TM6SF2: variants seen among roughly 807,000 people sequenced by gnomAD.
TM6SF2 encodes transmembrane 6 superfamily member 2.
A neutral mutation model predicts 41.0 loss-of-function variants in TM6SF2; 29 were observed. The observed-to-expected ratio is 0.71, with a 90% CI of 0.53 to 0.96. TM6SF2 has a LOEUF of 0.96. TM6SF2 is among the 50% of genes least tolerant of loss of function. TM6SF2 has a pLI of 0.00. For synonymous variants in TM6SF2, 200 were observed against 209.1 expected (o/e 0.96, Z 0.37); for missense variants, 475 against 499.0 (o/e 0.95, Z 0.46).
chr19:19,266,679 C>T, intron 8 of TM6SF2, 70 bp from the exon 9 acceptor site: 2 of 1,533,584 alleles, frequency 1.3e-6, no homozygotes, highest in Non-Finnish European at 1.8e-6. Flanking sequence ...TCTCCTGAGA[C>T]CCCTGAGGTG....
chr19:19,265,423 T>TATCCATCC (rs1363154867), intron 9 of TM6SF2, among the ~76,000 whole-genome samples: 7 of 147,026 alleles, frequency 4.8e-5, no homozygotes, highest in Middle Eastern at 3.7e-3. Context: ...TCCATCTATC[T>TATCCATCC]ATCTATCTAT....
At chr19:19,267,958 A>ATGGGGAGACCAACC in intron 7 of TM6SF2, 28 bp downstream of exon 7, 5 of 1,545,462 alleles carry the variant, frequency 3.2e-6, no homozygotes, top group Non-Finnish European at 3.6e-6. Flanking sequence ...GTGGCAGGGG[A>ATGGGGAGACCAACC]GGGGGAGACC....
At chr19:19,267,880 G>T in intron 7 of TM6SF2, 106 bp downstream of exon 7, 2 of 1,108,048 alleles carry the variant, frequency 1.8e-6, no homozygotes, top group South Asian at 1.4e-5. Context: ...TAGACTTGAT[G>T]AAGAACTTCC....
At chr19:19,272,919 G>C (rs551882049) in intron 1 of TM6SF2, among the ~76,000 whole-genome samples, 47 of 152,204 alleles carry the variant, frequency 3.1e-4, no homozygotes, top group Admixed American at 8.5e-4. Context: ...CCTCCAGCCC[G>C]GCGGGAAGGG....
In TM6SF2 at chr19:19,269,807, C is replaced by T. The variant is rs369399709; in HGVS notation, c.402-38G>A. The stretch of plus-strand genomic sequence containing the variant: ...TGGAGGGGTGACCAGCAGGTAGTCA[C>T]TCCGTAATCTCAGAGCCCCAGCCAG... On this transcript the variant is annotated intron_variant, in intron 4 of 9. Coordinates refer to ENST00000389363, the MANE Select transcript of TM6SF2 (RefSeq NM_001001524.3). 124 of 1,613,312 alleles carry T rather than the reference C, an allele frequency of 7.7e-5. No homozygotes were observed. The African/African-American group carries it at 1.6e-3, about 21-fold the overall frequency.
In TM6SF2 at chr19:19,264,813, G is replaced by T; in HGVS notation, c.985C>A (p.Pro329Thr). 1 of 1,607,918 alleles carries T rather than the reference G, an allele frequency of 6.2e-7. No individual in the cohort carries two copies. The highest frequency in any genetic ancestry group is 1.1e-5 in the South Asian group (1 of 89,840). Residue 329 changes from proline to threonine, a missense_variant, in exon 10 of 10, where the codon CCT (proline) becomes ACT (threonine). Pro to Thr is a conservative substitution (Grantham distance 38). This residue lies in a region of TM6SF2 where 190 missense variants were observed against 190.2 expected (regional missense o/e 1.00). Transcript: ENST00000389363. The stretch of plus-strand genomic sequence containing the variant: ...AAGAAGCAGCCCCAGGTGTCCTCAG[G>T]CACACGGTAGGTGAAGGGTGTGCGC... ...HLRTPFTYRV[P>T]EDTWGCFFVC...
chr19:19,267,872 G>A (rs2061008810), intron 7 of TM6SF2, 114 bp downstream of exon 7: 1 of 1,085,956 alleles, frequency 9.2e-7, no homozygotes, highest in African/African-American at 1.6e-5. Context: ...ACTCAGGTTA[G>A]ACTTGATGAA....
At chr19:19,269,795 A>G in intron 4 of TM6SF2, 26 bp from the exon 5 acceptor site, 1 of 1,613,856 alleles carries the variant, frequency 6.2e-7, no homozygotes, top group Non-Finnish European at 8.5e-7. Context: ...AGGGGTGACC[A>G]GCAGGTAGTC....
At chr19:19,265,155 G>A (rs140881283) in intron 9 of TM6SF2, among the ~76,000 whole-genome samples, 49 of 147,874 alleles carry the variant, frequency 3.3e-4, no homozygotes, top group Middle Eastern at 3.6e-3. Context: ...AGTGATTCTC[G>A]TGCTTCAGCC....
chr19:19,268,136 G>A, intron 6 of TM6SF2, 49 bp from the exon 7 acceptor site: 2 of 1,314,078 alleles, frequency 1.5e-6, no homozygotes, highest in South Asian at 1.2e-5. Flanking sequence ...TCAATGACAA[G>A]TATTCAGTAG....
At chr19:19,267,926 G>C in intron 7 of TM6SF2, 60 bp downstream of exon 7, 4 of 1,348,074 alleles carry the variant, frequency 3.0e-6, no homozygotes, top group Non-Finnish European at 4.2e-6. Flanking sequence ...TGTGGGAGAG[G>C]TGGGTCAGGG....
chr19:19,268,348 G>A (rs1270093410), intron 6 of TM6SF2, among the ~76,000 whole-genome samples: 1 of 151,768 alleles, frequency 6.6e-6, no homozygotes, highest in African/African-American at 2.4e-5. Flanking sequence ...TGGGACCACA[G>A]GCATGCACCA....
rs1555786937 is a variant in TM6SF2 at position 19,272,728 on chromosome 19, T to TGTGTGTGTGTGTGTGTGA, written c.95+392_95+393insTCACACACACACACACAC. On this transcript the variant is annotated intron_variant, in intron 1 of 9. Coordinates refer to ENST00000389363, the MANE Select transcript of TM6SF2 (RefSeq NM_001001524.3). ...GTGTGTGTGTGTGTGTGTGTGTGTGTGAGCAGGAGTCAGGTACCCGGGGCC... is the reference window on the plus strand; with the variant it reads ...GTGTGTGTGTGTGTGTGTGTGTGTGTGTGTGTGTGTGTGTGTGAGAGCAGGAGTCAGGTACCCGGGGCC... 5.3e-5 allele frequency among the ~76,000 whole-genome samples: 8 copies of TGTGTGTGTGTGTGTGTGA among 149,836 alleles called. No homozygotes were observed. The East Asian group carries it at 6.0e-4, about 11-fold the overall frequency.
At position 19,266,685 on chromosome 19, in the gene TM6SF2, A is replaced by G. The variant is rs1260081702; in HGVS notation, c.805-76T>C. The G allele has an allele frequency of 4.5e-5, 68 of 1,518,960 alleles. No individual in the cohort carries two copies. In the East Asian group the frequency reaches 1.6e-3, roughly 36 times the overall value. The allele number at this position is 1,518,960 out of a possible 1,614,324, so 94.1% of individuals were successfully genotyped here. On this transcript the variant is annotated intron_variant, in intron 8 of 9. Coordinates refer to ENST00000389363, the MANE Select transcript of TM6SF2 (RefSeq NM_001001524.3). Reference sequence around the variant, plus strand: ...CCAGGTGGGTCTCCTGAGACCCCTGAGGTGGAGGCCCTGAGGAAGGATCTG... The same window carrying G: ...CCAGGTGGGTCTCCTGAGACCCCTGGGGTGGAGGCCCTGAGGAAGGATCTG...
chr19:19,270,451 A>G lies in TM6SF2; in HGVS notation c.200-9T>C, dbSNP rs1303936495. On this transcript the variant is annotated splice_polypyrimidine_tract_variant and intron_variant, in intron 2 of 9. Transcript: ENST00000389363. ...GGCGAAGACAGCGAAGACTGCAGTGAGTGGGCGGGCCGGGTCAGGTGTGGG... is the reference window on the plus strand; with the variant it reads ...GGCGAAGACAGCGAAGACTGCAGTGGGTGGGCGGGCCGGGTCAGGTGTGGG... 2 of 1,548,948 alleles carry G rather than the reference A, an allele frequency of 1.3e-6. No individual in the cohort carries two copies. The highest frequency in any genetic ancestry group is 8.7e-7 in the Non-Finnish European group (1 of 1,145,502).
intron 7 of TM6SF2, 67 bp downstream of exon 7, chr19:19,267,919 G>T: frequency 7.8e-7 from 1 of 1,283,880 alleles, no homozygotes; most frequent in Non-Finnish European, 1.1e-6. Context: ...AGGGCAGTGT[G>T]GGAGAGGTGG....
At position 19,270,326 on chromosome 19, in the gene TM6SF2, C is replaced by T. The variant is rs770392287; in HGVS notation, c.297+19G>A. ...GACGGGCAGTGCGGTAGGGGGCTCC[C>T]TGGTCGTCCCCCAAGTACCTCCTTG... is the stretch of plus-strand genomic sequence containing the variant. On this transcript the variant is annotated intron_variant, in intron 3 of 9. Transcript: ENST00000389363. The T allele has an allele frequency of 1.2e-6, 2 of 1,614,098 alleles. No homozygotes were observed. The highest frequency in any genetic ancestry group is 1.7e-6 in the Non-Finnish European group (2 of 1,179,942).
Position 19,268,043 on chromosome 19 carries a change from G to A in TM6SF2, c.654C>T (p.Asp218=), listed in dbSNP as rs751370592. 4.3e-6 allele frequency: 7 copies of A among 1,613,994 alleles called. No individual in the cohort carries two copies. In the South Asian group the frequency reaches 6.6e-5, roughly 15 times the overall value. ...GGATGAGATATATGACAAGGGCCAG[G>A]TCAGCCGGACGCTGCAGGAGTCCCT... ...QRKGLLQRPA[D]LALVIYLILA... The change falls in exon 7 of 10, where the codon GAC becomes GAT. Residue 218 remains aspartate (D), a synonymous_variant. Transcript: ENST00000389363.
chr19:19,267,958 A>C, intron 7 of TM6SF2, 28 bp downstream of exon 7: 1 of 1,545,462 alleles, frequency 6.5e-7, no homozygotes, highest in Non-Finnish European at 8.9e-7. Context: ...GTGGCAGGGG[A>C]GGGGGAGACC....
Sources: gnomAD v4.1 joint callset for allele counts (sites outside exome capture counted in the v4.1 genomes callset) on GRCh38, gnomAD v4.1.1 for gene constraint, gnomAD v4.1.1 regional missense constraint, MANE v1.5 for transcripts, NCBI Gene and HGNC (gene_info 2026-07-23, HGNC 2026-07-21) for gene names.